Variants in SYNJ1 observed in about 807,000 individuals in gnomAD.
SYNJ1 encodes polyphosphatidylinositol phosphatase SYNJ1.
Under a neutral mutation model 168.2 loss-of-function variants are expected in SYNJ1, and 78 were observed. That is an observed-to-expected ratio of 0.46 (90% CI 0.39 to 0.56). SYNJ1 has a LOEUF of 0.56. Among genes scored for constraint, SYNJ1 ranks in the 20% least tolerant of loss-of-function variants. The pLI is 0.00. For missense variants in SYNJ1, 1,303 were observed against 1,597.6 expected (o/e 0.82, Z 3.14); for synonymous variants, 539 against 548.6 (o/e 0.98, Z 0.24).
chr21:32,661,994 G>C (rs1021730317), intron 18 of SYNJ1, among the ~76,000 whole-genome samples: 2 of 152,256 alleles, frequency 1.3e-5, no homozygotes, highest in East Asian at 3.9e-4. Context: ...GGACTGGAAC[G>C]TAGTCCCTTT....
chr21:32,684,896 ACGGCCGGG>A (rs200644223), intron 9 of SYNJ1, among the ~76,000 whole-genome samples: 8,613 of 152,156 alleles, frequency 0.057, 355 homozygotes, highest in Non-Finnish European at 0.083. Context: ...AGACTTAAGT[ACGGCCGGG>A]CGCGGTGGCT....
chr21:32,634,179 TAAG>T (rs2039462523), intron 32 of SYNJ1, among the ~76,000 whole-genome samples: 2 of 152,176 alleles, frequency 1.3e-5, no homozygotes, highest in African/African-American at 2.4e-5. Context: ...TTTGCATATA[TAAG>T]AAAATTTTTA....
At chr21:32,660,762 C>T (rs970323223) in intron 18 of SYNJ1, among the ~76,000 whole-genome samples, 4 of 152,122 alleles carry the variant, frequency 2.6e-5, no homozygotes, top group Admixed American at 6.5e-5. Flanking sequence ...CCTTTCTAAC[C>T]CTCCAAGTGC....
rs368194027 is a variant in SYNJ1 at position 32,653,242 on chromosome 21, G to C, written c.2874+46C>G. 5 of 1,442,022 alleles carry C rather than the reference G, an allele frequency of 3.5e-6. No individual in the cohort carries two copies. The African/African-American group carries it at 5.7e-5, about 16-fold the overall frequency. 89.3% of individuals were successfully genotyped at this position (1,442,022 alleles called of 1,614,324 possible). A position where few individuals can be genotyped will look rare whatever the true frequency, so the allele number is the denominator to read the frequency against. ...CTATAAAAATATCATACCATCTTCA[G>C]ACATTTAATTTCAGAATGGTTTAGA... On this transcript the variant is annotated intron_variant, in intron 22 of 32. Transcript: ENST00000674351.
At chr21:32,642,069 G>T (rs1240606315) in intron 28 of SYNJ1, 26 bp downstream of exon 28, 1 of 1,613,860 alleles carries the variant, frequency 6.2e-7, no homozygotes, top group African/African-American at 1.3e-5. Flanking sequence ...TTTTAAGGGT[G>T]AATAGCTACA....
At chr21:32,688,437 C>T (rs1425004710) in intron 6 of SYNJ1, 70 bp from the exon 7 acceptor site, 3 of 1,211,860 alleles carry the variant, frequency 2.5e-6, no homozygotes, top group Non-Finnish European at 3.5e-6. Context: ...TCACTGCTTA[C>T]AATATCTAAC....
rs2230767 is a variant in SYNJ1 at position 32,631,077 on chromosome 21, G to A, written c.*728C>T. The A allele has an allele frequency of 6.1e-4, 984 of 1,614,216 alleles. 5 individuals are homozygous for A. In the African/African-American group the frequency reaches 9.0e-3, roughly 15 times the overall value. On this transcript the variant is annotated 3_prime_UTR_variant, in exon 33 of 33. Coordinates refer to ENST00000674351, the MANE Select transcript of SYNJ1 (RefSeq NM_203446.3). ...ATCTACTGGAGGGCTGGTGCCGGGC[G>A]GGAGCAGAGGGACAGGAGGTGGAGG...
At chr21:32,695,599 C>T (rs2042173618) in intron 4 of SYNJ1, among the ~76,000 whole-genome samples, 2 of 151,662 alleles carry the variant, frequency 1.3e-5, no homozygotes, top group African/African-American at 4.8e-5. Flanking sequence ...TGCATGTCCC[C>T]ACCCCAATTT....
rs1229572258 is a variant in SYNJ1, at chr21:32,651,078, AC to A, written c.2875-733del. 2.6e-5 allele frequency among the ~76,000 whole-genome samples: 4 copies of A among 152,330 alleles called. No homozygotes were observed. The East Asian group carries it at 7.7e-4, about 29-fold the overall frequency. ...GTATTTAAAAAATACTCTCAAAAAA[AC>A]TTGCTGATAACAGCAAGACTCTTTG... On this transcript the variant is annotated intron_variant, in intron 22 of 32. Transcript: ENST00000674351.
chr21:32,700,769 G>A (rs1241839361), intron 3 of SYNJ1, among the ~76,000 whole-genome samples: 5 of 152,176 alleles, frequency 3.3e-5, no homozygotes, highest in African/African-American at 1.2e-4. Context: ...GTAAGATAAT[G>A]AATTCACACT....
In SYNJ1 at chr21:32,697,628, C is replaced by T. The variant is rs1203558792; in HGVS notation, c.479+2210G>A. 7.2e-5 allele frequency among the ~76,000 whole-genome samples: 11 copies of T among 152,180 alleles called. No individual in the cohort carries two copies. The East Asian group carries it at 2.1e-3, about 29-fold the overall frequency. ...CAGCCTGGCCAACGTGGTGAAACCC[C>T]ATCCTTATTAAAAACACAAAAATAT... On this transcript the variant is annotated intron_variant, in intron 4 of 32. Transcript: ENST00000674351.
At chr21:32,645,559 A>C (rs2040023715) in intron 25 of SYNJ1, 87 bp downstream of exon 25, 1 of 1,408,886 alleles carries the variant, frequency 7.1e-7, no homozygotes, top group South Asian at 1.6e-5. Context: ...TAAAATCCAG[A>C]AGCTAGAGAT....
At chr21:32,670,444 T>C (rs1407917905) in intron 14 of SYNJ1, 72 bp from the exon 15 acceptor site, 2 of 1,125,328 alleles carry the variant, frequency 1.8e-6, no homozygotes, top group East Asian at 2.5e-5. Context: ...CAACACAACA[T>C]AACACCAGGT....
Position 32,629,833 on chromosome 21 carries a change from G to T in SYNJ1, c.*1972C>A, listed in dbSNP as rs2039254417. On this transcript the variant is annotated 3_prime_UTR_variant, in exon 33 of 33. Coordinates refer to ENST00000674351, the MANE Select transcript of SYNJ1 (RefSeq NM_203446.3). ...GATCAGTTGCATATTGGCAGTGCAG[G>T]AGACAAAATCCGCAGCTACTTTGAG... The T allele has an allele frequency of 1.3e-5, 2 of 152,530 alleles. No individual in the cohort carries two copies. The allele number at this position is 152,530 out of a possible 1,614,324, so 9.4% of individuals were successfully genotyped here.
intron 18 of SYNJ1, chr21:32,658,473 T>C (rs963844382): frequency 6.6e-6 from 1 of 152,348 alleles, no homozygotes; most frequent in African/African-American, 2.4e-5. Flanking sequence ...ATATTTACCA[T>C]CTTCAATTCG....
rs1038225265 is a variant in SYNJ1, at chr21:32,637,048, G to C, written c.3915+1860C>G. Among the ~76,000 whole-genome samples the C allele has an allele frequency of 3.9e-5, 6 of 152,268 alleles. No individual in the cohort carries two copies. In the East Asian group the frequency reaches 1.2e-3, roughly 29 times the overall value. On this transcript the variant is annotated intron_variant, in intron 31 of 32. Coordinates refer to ENST00000674351, the MANE Select transcript of SYNJ1 (RefSeq NM_203446.3). ...TTCTGAGAAAATGATATGTGTCTTA[G>C]AATGATTTTATAATGATAACTACAA...
At chr21:32,673,650 A>G (rs1027016062) in intron 13 of SYNJ1, 119 bp from the exon 14 acceptor site, 6 of 857,394 alleles carry the variant, frequency 7.0e-6, no homozygotes, top group Non-Finnish European at 9.7e-6. Context: ...AGCACAAACA[A>G]GCAAAAGATA....
At chr21:32,657,916 A>T in intron 18 of SYNJ1, 44 bp from the exon 19 acceptor site, 1 of 1,502,610 alleles carries the variant, frequency 6.7e-7, no homozygotes, top group Non-Finnish European at 9.1e-7. Flanking sequence ...AAACAGCAAC[A>T]AGTTCTGTTT....
rs768686851 is a variant in SYNJ1, at chr21:32,673,503, A to G, written c.1563T>C (p.Cys521=). 1.9e-6 allele frequency: 3 copies of G among 1,613,208 alleles called. 1 individual carries two copies. The South Asian group carries it at 3.3e-5, about 18-fold the overall frequency. The change falls in exon 14 of 33, where the codon TGT becomes TGC. Residue 521 remains cysteine (C), a synonymous_variant. Transcript: ENST00000674351. ...GCTTTGAATATTTGTAGAAATTCTC[A>G]CACATGCTCTTTAGTACTTTAGAAG... ...SASSKVLKSM[C]ENFYKYSKPK...
Sources: allele counts gnomAD v4.1 joint callset (sites outside exome capture counted in the v4.1 genomes callset), GRCh38; gene constraint gnomAD v4.1.1; transcripts MANE v1.5; gene names NCBI Gene and HGNC (gene_info 2026-07-23, HGNC 2026-07-21).